PTPRO: variants seen among roughly 807,000 people sequenced by gnomAD.
The protein encoded by PTPRO is protein tyrosine phosphatase receptor type O, also known as receptor-type tyrosine-protein phosphatase O.
Under a neutral mutation model 145.2 loss-of-function variants are expected in PTPRO, and 62 were observed. The observed-to-expected ratio is 0.43, with a 90% CI of 0.35 to 0.53. The LOEUF (loss-of-function observed/expected upper bound fraction) is 0.53, where lower values mean the gene tolerates loss of function less well. Among genes scored for constraint, PTPRO ranks in the 20% least tolerant of loss-of-function variants. The pLI, the probability that PTPRO is intolerant of heterozygous loss-of-function variation, is 0.01. For synonymous variants in PTPRO, 565 were observed against 514.7 expected (o/e 1.10, Z -1.32); for missense variants, 1,345 against 1,482.7 (o/e 0.91, Z 1.53).
intron 17 of PTPRO, among the ~76,000 whole-genome samples, chr12:15,560,491 C>T (rs143336762): frequency 8.5e-5 from 13 of 152,126 alleles, no homozygotes; most frequent in East Asian, 5.8e-4. Context: ...TGTTGGCAAG[C>T]GTTTTTTCCC....
intron 1 of PTPRO, among the ~76,000 whole-genome samples, chr12:15,368,947 T>C (rs1938444275): frequency 6.6e-6 from 1 of 152,158 alleles, no homozygotes; most frequent in South Asian, 2.1e-4. Context: ...TATGAGCAAC[T>C]CCCGTGGGGG....
intron 1 of PTPRO, among the ~76,000 whole-genome samples, chr12:15,432,802 A>G (rs1052090249): frequency 6.6e-6 from 1 of 152,152 alleles, no homozygotes; most frequent in African/African-American, 2.4e-5. Context: ...CATGTCTTCT[A>G]TAGAAAAGTG....
rs33914934 is a variant in PTPRO at position 15,416,325 on chromosome 12, CT to C, written c.76-67637del. On this transcript the variant is annotated intron_variant, in intron 1 of 26. Transcript: ENST00000281171. ...CCTCTTTCTCTCTCTCTCTCTCTTTCTTTTTTTTTTTTGAGACAGAGTCTCG... is the reference window on the plus strand; with the variant it reads ...CCTCTTTCTCTCTCTCTCTCTCTTTCTTTTTTTTTTTGAGACAGAGTCTCG... Among the ~76,000 whole-genome samples, 127 of 143,658 alleles carry C rather than the reference CT, an allele frequency of 8.8e-4. 1 individual carries two copies. The highest frequency in any genetic ancestry group is 9.6e-4 in the Non-Finnish European group (64 of 66,538). The allele number at this position is 143,658 out of a possible 152,430, so 94.2% of individuals were successfully genotyped here.
At chr12:15,323,898 C>G (rs1241737362) in intron 1 of PTPRO, among the ~76,000 whole-genome samples, 4 of 152,102 alleles carry the variant, frequency 2.6e-5, no homozygotes, top group Non-Finnish European at 5.9e-5. Flanking sequence ...AACAGCATTA[C>G]TTTTAAATAC....
chr12:15,527,875 A>ACCC (rs1555173370), intron 12 of PTPRO, among the ~76,000 whole-genome samples: 19 of 137,722 alleles, frequency 1.4e-4, no homozygotes, highest in African/African-American at 2.0e-4. Context: ...GGGAACTGTG[A>ACCC]CCCGCCCACG....
At chr12:15,487,062 G>T (rs1941903073) in intron 2 of PTPRO, among the ~76,000 whole-genome samples, 1 of 152,070 alleles carries the variant, frequency 6.6e-6, no homozygotes, top group Non-Finnish European at 1.5e-5. Context: ...TATGCAGCAA[G>T]CCCTGAACAC....
At chr12:15,428,060 G>T (rs1323232143) in intron 1 of PTPRO, among the ~76,000 whole-genome samples, 2 of 152,148 alleles carry the variant, frequency 1.3e-5, no homozygotes, top group African/African-American at 4.8e-5. Context: ...GACTAGGAGA[G>T]AGAAATGTGT....
At chr12:15,345,578 G>A (rs1867175111) in intron 1 of PTPRO, among the ~76,000 whole-genome samples, 1 of 152,060 alleles carries the variant, frequency 6.6e-6, no homozygotes, top group Non-Finnish European at 1.5e-5. Context: ...TGGACACAAG[G>A]AGGGAAACAT....
intron 14 of PTPRO, 67 bp downstream of exon 14, chr12:15,549,293 A>G: frequency 1.6e-6 from 2 of 1,227,106 alleles, no homozygotes; most frequent in Non-Finnish European, 2.1e-6. Flanking sequence ...ATGTATTTGT[A>G]TCAATATTCC....
chr12:15,352,056 CT>C (rs1159321123), intron 1 of PTPRO, among the ~76,000 whole-genome samples: 1 of 152,174 alleles, frequency 6.6e-6, no homozygotes, highest in East Asian at 1.9e-4. Context: ...GGAGGACCCT[CT>C]TTGTGGATGC....
chr12:15,506,929 G>C (rs775618451), intron 6 of PTPRO, among the ~76,000 whole-genome samples: 1 of 152,122 alleles, frequency 6.6e-6, no homozygotes, highest in Non-Finnish European at 1.5e-5. Context: ...GAGTCTTAGT[G>C]CAATTATCGT....
chr12:15,484,523 G>T (rs571588740), intron 2 of PTPRO, among the ~76,000 whole-genome samples: 1 of 152,164 alleles, frequency 6.6e-6, no homozygotes, highest in South Asian at 2.1e-4. Flanking sequence ...ATTCATGATT[G>T]GACCATGTAA....
At chr12:15,326,128 C>T (rs757596319) in intron 1 of PTPRO, among the ~76,000 whole-genome samples, 3 of 152,192 alleles carry the variant, frequency 2.0e-5, no homozygotes, top group African/African-American at 4.8e-5. Flanking sequence ...CCTCGCAACC[C>T]CATACACACA....
At chr12:15,461,854 C>T (rs1941311371) in intron 1 of PTPRO, among the ~76,000 whole-genome samples, 1 of 152,090 alleles carries the variant, frequency 6.6e-6, no homozygotes. Context: ...GCGTGAGCAA[C>T]CATGCCTGGC....
At chr12:15,513,584 G>C (rs1053073280) in intron 7 of PTPRO, among the ~76,000 whole-genome samples, 1 of 152,112 alleles carries the variant, frequency 6.6e-6, no homozygotes, top group Non-Finnish European at 1.5e-5. Context: ...TTTCCAGTGC[G>C]AAAAGGTTTA....
At chr12:15,586,825 C>A in intron 23 of PTPRO, 72 bp from the exon 24 acceptor site, 1 of 1,569,362 alleles carries the variant, frequency 6.4e-7, no homozygotes. Flanking sequence ...GCATGCTTAA[C>A]TAGCAGAGTC....
chr12:15,546,660 T>C lies in PTPRO; in HGVS notation c.2256T>C (p.Phe752=), dbSNP rs36020879. The C allele has an allele frequency of 7.3e-4, 1,182 of 1,614,002 alleles. 9 individuals carry two copies. The African/African-American group carries it at 0.014, about 19-fold the overall frequency. The change falls in exon 13 of 27, where the codon TTT becomes TTC. Residue 752 remains phenylalanine (F), a synonymous_variant. Transcript: ENST00000281171. ...LWVEEGVADF[F]EVFCQQVGSS... ...TGGAAGAGGGAGTAGCTGATTTCTT[T>C]GAAGTTTTCTGTCAACAAGTTGGCT...
chr12:15,520,005 T>G (rs1942681129), intron 9 of PTPRO, among the ~76,000 whole-genome samples, 196 bp from the exon 10 acceptor site: 1 of 152,220 alleles, frequency 6.6e-6, no homozygotes, highest in African/African-American at 2.4e-5. Flanking sequence ...TTTTAAAAAT[T>G]TATATTTTTG....
intron 1 of PTPRO, among the ~76,000 whole-genome samples, chr12:15,419,544 G>A (rs1940074692): frequency 6.6e-6 from 1 of 151,522 alleles, no homozygotes; most frequent in Non-Finnish European, 1.5e-5. Context: ...AGCCATCCAG[G>A]CCACAAGATA....
Sources: gnomAD v4.1 joint callset for allele counts (sites outside exome capture counted in the v4.1 genomes callset) on GRCh38, gnomAD v4.1.1 for gene constraint, MANE v1.5 for transcripts, NCBI Gene and HGNC (gene_info 2026-07-23, HGNC 2026-07-21) for gene names.